Variants in UBP1 observed in about 807,000 individuals in gnomAD.
UBP1 encodes upstream binding protein 1, also known as upstream-binding protein 1.
UBP1 carries 22 observed loss-of-function variants against 76.1 expected under a neutral mutation model. The observed-to-expected ratio is 0.29, with a 90% CI of 0.21 to 0.41. The LOEUF (loss-of-function observed/expected upper bound fraction) is 0.41, where lower values mean the gene tolerates loss of function less well. Ranked by LOEUF, UBP1 falls within the 10% of genes least tolerant of loss-of-function variation. UBP1 has a pLI of 1.00. For missense variants in UBP1, 436 were observed against 668.1 expected, an observed-to-expected ratio of 0.65 and a Z score of 3.83; for synonymous variants, 224 against 237.1, an observed-to-expected ratio of 0.94 and a Z score of 0.51.
chr3:33,408,598 A>G, intron 8 of UBP1, 92 bp downstream of exon 8: 1 of 997,028 alleles, frequency 1.0e-6, no homozygotes, highest in South Asian at 1.9e-5. Flanking sequence ...ATCAAAAACA[A>G]TTTTGGCTTT....
chr3:33,406,236 C>T (rs2044417059), intron 8 of UBP1, among the ~76,000 whole-genome samples: 1 of 151,934 alleles, frequency 6.6e-6, no homozygotes, highest in Admixed American at 6.6e-5. Context: ...CAGTGAAAGC[C>T]CATCTCAAAA....
intron 2 of UBP1, among the ~76,000 whole-genome samples, chr3:33,422,939 C>G (rs2044937310): frequency 1.3e-5 from 2 of 151,894 alleles, no homozygotes; most frequent in South Asian, 2.1e-4. Flanking sequence ...GCACAACACA[C>G]TATATTATAT....
intron 3 of UBP1, among the ~76,000 whole-genome samples, chr3:33,414,584 C>A (rs1180728796): frequency 1.3e-5 from 2 of 152,118 alleles, no homozygotes; most frequent in Admixed American, 1.3e-4. Flanking sequence ...GTCAAAGATC[C>A]TAGGGCCAGG....
At chr3:33,392,918 TA>T (rs1309151759) in intron 14 of UBP1, 1 of 353,666 alleles carries the variant, frequency 2.8e-6, no homozygotes, top group Non-Finnish European at 5.1e-6. Flanking sequence ...GCTCTTCTAT[TA>T]TTACTTGCCA....
At chr3:33,411,476 T>G (rs1368012642) in intron 5 of UBP1, 105 bp downstream of exon 5, 18 of 975,932 alleles carry the variant, frequency 1.8e-5, no homozygotes, top group Non-Finnish European at 2.5e-5. Context: ...TACAACATAG[T>G]TTATAAATAG....
intron 8 of UBP1, among the ~76,000 whole-genome samples, chr3:33,405,862 A>C (rs926777037): frequency 1.3e-5 from 2 of 152,316 alleles, no homozygotes; most frequent in South Asian, 4.1e-4. Context: ...ATTAAGTCTC[A>C]CCAATGGCTA....
chr3:33,408,561 A>G (rs999096333), intron 8 of UBP1, 129 bp downstream of exon 8: 8 of 665,044 alleles, frequency 1.2e-5, no homozygotes, highest in Non-Finnish European at 1.9e-5. Context: ...AAGTCTAAAC[A>G]AAAGCAAATT....
At chr3:33,403,295 A>C (rs1431808892) in intron 8 of UBP1, 1 of 241,330 alleles carries the variant, frequency 4.1e-6, no homozygotes, top group African/African-American at 2.4e-5. Context: ...TTTATAAGCA[A>C]CATCTGACAT....
At chr3:33,393,484 T>C (rs762850538) in intron 13 of UBP1, 30 bp from the exon 14 acceptor site, 15 of 1,581,278 alleles carry the variant, frequency 9.5e-6, no homozygotes, top group African/African-American at 2.7e-5. Flanking sequence ...AAGAAAAGCA[T>C]TTTAACAGTA....
intron 8 of UBP1, among the ~76,000 whole-genome samples, chr3:33,405,804 C>A (rs1023349597): frequency 3.3e-5 from 5 of 151,998 alleles, no homozygotes; most frequent in African/African-American, 1.2e-4. Context: ...GTGTCAAGAC[C>A]ACTGGTGTAA....
At chr3:33,408,621 A>G in intron 8 of UBP1, 69 bp downstream of exon 8, 3 of 1,290,240 alleles carry the variant, frequency 2.3e-6, no homozygotes, top group Non-Finnish European at 3.2e-6. Flanking sequence ...TTTGCGGTGG[A>G]AGTTGGTCCT....
At chr3:33,428,696 A>T (rs2045062067) in intron 1 of UBP1, among the ~76,000 whole-genome samples, 1 of 151,976 alleles carries the variant, frequency 6.6e-6, no homozygotes, top group Non-Finnish European at 1.5e-5. Context: ...AATGCCTTCC[A>T]GTCAACACAG....
intron 14 of UBP1, chr3:33,392,873 A>C (rs1257305391): frequency 9.9e-6 from 4 of 403,812 alleles, no homozygotes; most frequent in African/African-American, 2.1e-5. Context: ...TGCCGGCTCC[A>C]GTGGATGATG....
At chr3:33,428,287 T>C (rs557584077) in intron 1 of UBP1, among the ~76,000 whole-genome samples, 1 of 152,036 alleles carries the variant, frequency 6.6e-6, no homozygotes, top group South Asian at 2.1e-4. Context: ...GCATTTTGTG[T>C]ATATGTAAGC....
chr3:33,428,494 G>A (rs982395264), intron 1 of UBP1, among the ~76,000 whole-genome samples: 2 of 151,818 alleles, frequency 1.3e-5, no homozygotes, highest in Non-Finnish European at 2.9e-5. Flanking sequence ...TGTCACATAT[G>A]GAAGACAATT....
intron 2 of UBP1, among the ~76,000 whole-genome samples, chr3:33,419,560 G>A (rs1466024336): frequency 1.3e-5 from 2 of 151,236 alleles, no homozygotes; most frequent in Admixed American, 6.6e-5. Flanking sequence ...CCTGTGAGGC[G>A]GAGGTTGCGG....
In UBP1 at chr3:33,398,923, T is replaced by C. The variant is rs2044115361; in HGVS notation, c.1180+1266A>G. Among the ~76,000 whole-genome samples the C allele has an allele frequency of 2.6e-5, 4 of 152,188 alleles. No individual in the cohort carries two copies. In the South Asian group the frequency reaches 8.3e-4, roughly 32 times the overall value. On this transcript the variant is annotated intron_variant, in intron 11 of 15. Coordinates refer to ENST00000283629, the MANE Select transcript of UBP1 (RefSeq NM_014517.5). ...ACACATAAAAGGCTTTACTTAATCA[T>C]ATAAAAATGTAGTCCCCAGCTAGCA...
intron 5 of UBP1, among the ~76,000 whole-genome samples, chr3:33,410,240 G>A (rs2044545568): frequency 1.3e-5 from 2 of 152,196 alleles, no homozygotes; most frequent in African/African-American, 2.4e-5. Context: ...CACCCTGGAT[G>A]ACAGCCTTAG....
intron 3 of UBP1, among the ~76,000 whole-genome samples, chr3:33,416,301 A>T (rs557980480): frequency 6.6e-6 from 1 of 152,100 alleles, no homozygotes; most frequent in Non-Finnish European, 1.5e-5. Flanking sequence ...ATACATCCTA[A>T]AAGAACAGGT....
Sources: gnomAD v4.1 joint callset for allele counts (sites outside exome capture counted in the v4.1 genomes callset) on GRCh38, gnomAD v4.1.1 for gene constraint, MANE v1.5 for transcripts, NCBI Gene and HGNC (gene_info 2026-07-23, HGNC 2026-07-21) for gene names.